Variants in RIMS1 observed in about 807,000 individuals in gnomAD.
RIMS1 encodes regulating synaptic membrane exocytosis protein 1.
A neutral mutation model predicts 214.1 loss-of-function variants in RIMS1; 83 were observed. That is an observed-to-expected ratio of 0.39 (90% CI 0.32 to 0.47). The LOEUF (loss-of-function observed/expected upper bound fraction) is 0.47, where lower values mean the gene tolerates loss of function less well. Among genes scored for constraint, RIMS1 ranks in the 20% least tolerant of loss-of-function variants. The probability of loss-of-function intolerance (pLI) is 0.99; values close to 1 mark genes in which losing one functional copy is unlikely to be tolerated. For missense variants in RIMS1, 2,050 were observed against 2,161.8 expected (o/e 0.95, Z 1.03); for synonymous variants, 793 against 786.8 (o/e 1.01, Z -0.13).
intron 6 of RIMS1, among the ~76,000 whole-genome samples, chr6:72,214,910 A>G (rs2055134115): frequency 1.3e-5 from 2 of 152,098 alleles, no homozygotes; most frequent in South Asian, 4.1e-4. Flanking sequence ...TTTAGTAGAG[A>G]TGGGGTTTCA....
At position 72,053,650 on chromosome 6, in the gene RIMS1, C is replaced by A. The variant is rs187291682; in HGVS notation, c.246-43299C>A. 9.2e-5 allele frequency among the ~76,000 whole-genome samples: 14 copies of A among 152,182 alleles called. No individual in the cohort carries two copies. In the East Asian group the frequency reaches 2.5e-3, roughly 27 times the overall value. On this transcript the variant is annotated intron_variant, in intron 2 of 33. Coordinates refer to ENST00000521978, the MANE Select transcript of RIMS1 (RefSeq NM_014989.7). ...TTTCATTCCTTTGTGAAGAATGGTCCTGGAAATGAAACCTATTTTAATGGC... is the reference window on the plus strand; with the variant it reads ...TTTCATTCCTTTGTGAAGAATGGTCATGGAAATGAAACCTATTTTAATGGC...
intron 4 of RIMS1, among the ~76,000 whole-genome samples, chr6:72,103,681 T>G (rs1187126270): frequency 6.6e-6 from 1 of 151,912 alleles, no homozygotes; most frequent in Non-Finnish European, 1.5e-5. Flanking sequence ...TATCTAGGAG[T>G]GGAATTACTG....
At chr6:71,925,759 T>G (rs1438162291) in intron 1 of RIMS1, among the ~76,000 whole-genome samples, 4 of 152,218 alleles carry the variant, frequency 2.6e-5, no homozygotes, top group Non-Finnish European at 4.4e-5. Flanking sequence ...AATTGAGACA[T>G]TAAAATAGGA....
At chr6:72,102,934 A>G (rs2033934427) in intron 4 of RIMS1, among the ~76,000 whole-genome samples, 1 of 152,118 alleles carries the variant, frequency 6.6e-6, no homozygotes. Context: ...ATCCTAATTT[A>G]CAACCTTCAG....
intron 28 of RIMS1, among the ~76,000 whole-genome samples, chr6:72,315,366 C>G (rs753348844): frequency 1.8e-4 from 27 of 151,968 alleles, no homozygotes; most frequent in African/African-American, 6.5e-4. Flanking sequence ...TTTTTGTTTT[C>G]AGCTTCCTTT....
At chr6:72,219,739 A>G (rs2057740499) in intron 6 of RIMS1, among the ~76,000 whole-genome samples, 1 of 151,842 alleles carries the variant, frequency 6.6e-6, no homozygotes, top group South Asian at 2.1e-4. Context: ...TTCTCTCTAG[A>G]GAATGCTTAG....
At chr6:72,227,188 T>A (rs945138287) in intron 6 of RIMS1, among the ~76,000 whole-genome samples, 23 of 152,066 alleles carry the variant, frequency 1.5e-4, no homozygotes, top group Middle Eastern at 3.4e-3. Context: ...CATAATGAAG[T>A]TTTGTTGATT....
At chr6:72,098,992 C>A (rs1460478994) in intron 3 of RIMS1, among the ~76,000 whole-genome samples, 7 of 152,170 alleles carry the variant, frequency 4.6e-5, no homozygotes, top group African/African-American at 1.7e-4. Context: ...TACATTCTTA[C>A]AGGTAAAACT....
rs182444847 is a variant in RIMS1, at chr6:72,081,840, C to T, written c.246-15109C>T. Among the ~76,000 whole-genome samples, 258 of 152,186 alleles carry T rather than the reference C, an allele frequency of 1.7e-3. 1 individual carries two copies. Among genetic ancestry groups the T allele is most frequent in the African/African-American group, 6.0e-3 (247 of 41,510 alleles). On this transcript the variant is annotated intron_variant, in intron 2 of 33. Coordinates refer to ENST00000521978, the MANE Select transcript of RIMS1 (RefSeq NM_014989.7). ...AAAAGAACTTAAGTTATTTACAACA[C>T]CTGTTATGTTATTTAGATGATAGTT...
At chr6:72,013,350 A>G (rs569805447) in intron 2 of RIMS1, among the ~76,000 whole-genome samples, 2 of 152,298 alleles carry the variant, frequency 1.3e-5, no homozygotes, top group South Asian at 4.1e-4. Context: ...TCTAATTCTG[A>G]TTATTCTGAC....
At chr6:72,068,177 G>C (rs1404405598) in intron 2 of RIMS1, among the ~76,000 whole-genome samples, 1 of 152,172 alleles carries the variant, frequency 6.6e-6, no homozygotes, top group Non-Finnish European at 1.5e-5. Context: ...ATGGTAACGA[G>C]TATACTAGAA....
At chr6:72,085,576 T>G (rs921082659) in intron 2 of RIMS1, among the ~76,000 whole-genome samples, 1 of 152,144 alleles carries the variant, frequency 6.6e-6, no homozygotes. Flanking sequence ...AGATGACAGA[T>G]CTGTGAAAAA....
chr6:72,391,721 T>G (rs2098705728), intron 30 of RIMS1, among the ~76,000 whole-genome samples: 1 of 152,220 alleles, frequency 6.6e-6, no homozygotes, highest in Non-Finnish European at 1.5e-5. Context: ...TTGTTATGCA[T>G]GTTTCCAGTA....
intron 4 of RIMS1, among the ~76,000 whole-genome samples, chr6:72,124,112 A>G (rs1243754866): frequency 2.6e-5 from 4 of 151,834 alleles, no homozygotes; most frequent in African/African-American, 9.7e-5. Context: ...GGCTGGTCCC[A>G]GTTGTTCCTT....
At chr6:72,000,197 A>C (rs1021294569) in intron 2 of RIMS1, among the ~76,000 whole-genome samples, 1 of 152,148 alleles carries the variant, frequency 6.6e-6, no homozygotes, top group Admixed American at 6.6e-5. Context: ...ATATTAATAC[A>C]TCTTATAAAT....
intron 4 of RIMS1, among the ~76,000 whole-genome samples, chr6:72,176,413 TTAAC>T (rs571861966): frequency 3.9e-4 from 60 of 152,332 alleles, no homozygotes; most frequent in Middle Eastern, 3.4e-3. Context: ...ATGTTTGGTA[TTAAC>T]TGTGTTGAAA....
At chr6:72,071,816 A>G (rs551374939) in intron 2 of RIMS1, among the ~76,000 whole-genome samples, 7 of 152,306 alleles carry the variant, frequency 4.6e-5, no homozygotes, top group African/African-American at 1.7e-4. Flanking sequence ...TGGGGGAACT[A>G]TTAGGGTGGT....
In RIMS1 at chr6:72,375,673, C is replaced by T. The variant is rs149563559; in HGVS notation, c.4367-14925C>T. Among the ~76,000 whole-genome samples the T allele has an allele frequency of 3.8e-3, 578 of 152,232 alleles. 4 individuals carry two copies. The highest frequency in any genetic ancestry group is 0.013 in the African/African-American group (547 of 41,552). Reference sequence around the variant, plus strand: ...TGCTTTTTCTATGATGACAGAATCTCCTAGAGTTGTATGCAGGTACTTCTG... The same window carrying T: ...TGCTTTTTCTATGATGACAGAATCTTCTAGAGTTGTATGCAGGTACTTCTG... On this transcript the variant is annotated intron_variant, in intron 29 of 33. Coordinates refer to ENST00000521978, the MANE Select transcript of RIMS1 (RefSeq NM_014989.7).
At chr6:72,324,826 A>G (rs929644808) in intron 28 of RIMS1, among the ~76,000 whole-genome samples, 6 of 151,838 alleles carry the variant, frequency 4.0e-5, no homozygotes, top group African/African-American at 1.2e-4. Flanking sequence ...TTTTCCCGCC[A>G]CAACAATTGA....
Sources: allele counts gnomAD v4.1 joint callset (sites outside exome capture counted in the v4.1 genomes callset), GRCh38; gene constraint gnomAD v4.1.1; transcripts MANE v1.5; gene names NCBI Gene and HGNC (gene_info 2026-07-23, HGNC 2026-07-21).